The following DGKB variants were observed in gnomAD, a reference collection of about 807,000 sequenced individuals.
DGKB encodes the protein 90 kDa diacylglycerol kinase.
In DGKB, 67 loss-of-function variants were observed where a neutral mutation model predicts 114.3. The observed-to-expected ratio is 0.59, with a 90% CI of 0.48 to 0.72. DGKB has a LOEUF of 0.72. Ranked by LOEUF, DGKB falls within the 30% of genes least tolerant of loss-of-function variation. The probability of loss-of-function intolerance (pLI) is 0.00; values close to 1 mark genes in which losing one functional copy is unlikely to be tolerated. For synonymous variants in DGKB, 398 were observed against 323.1 expected, an observed-to-expected ratio of 1.23 and a Z score of -2.49; for missense variants, 907 against 975.2, an observed-to-expected ratio of 0.93 and a Z score of 0.93.
At chr7:14,379,771 G>A (rs956821360) in intron 21 of DGKB, among the ~76,000 whole-genome samples, 3 of 152,278 alleles carry the variant, frequency 2.0e-5, no homozygotes, top group African/African-American at 7.2e-5. Flanking sequence ...TGTTAGCGAG[G>A]ATGGTCTTGA....
chr7:14,873,652 T>C (rs1852814720), intron 1 of DGKB, among the ~76,000 whole-genome samples: 1 of 151,910 alleles, frequency 6.6e-6, no homozygotes, highest in South Asian at 2.1e-4. Flanking sequence ...ATACTATATA[T>C]ATATACACAT....
intron 2 of DGKB, among the ~76,000 whole-genome samples, chr7:14,783,860 A>G (rs1839475810): frequency 6.6e-6 from 1 of 152,206 alleles, no homozygotes; most frequent in Non-Finnish European, 1.5e-5. Flanking sequence ...TTTTCATAGT[A>G]AGTAATTACT....
At chr7:14,237,670 A>T (rs1051523445) in intron 23 of DGKB, among the ~76,000 whole-genome samples, 35 of 152,150 alleles carry the variant, frequency 2.3e-4, no homozygotes, top group African/African-American at 7.9e-4. Flanking sequence ...GCAACAAAAT[A>T]GTTTATGTAG....
chr7:14,199,635 T>C (rs1306742753), intron 23 of DGKB, among the ~76,000 whole-genome samples: 1 of 152,042 alleles, frequency 6.6e-6, no homozygotes, highest in Non-Finnish European at 1.5e-5. Context: ...TAAGGCATTG[T>C]AGAGCAAAAA....
At chr7:14,448,888 G>C (rs1052931350) in intron 21 of DGKB, among the ~76,000 whole-genome samples, 5 of 151,940 alleles carry the variant, frequency 3.3e-5, no homozygotes, top group African/African-American at 1.2e-4. Context: ...TGCAAATATG[G>C]GTGTGTTCAA....
intron 21 of DGKB, among the ~76,000 whole-genome samples, chr7:14,450,476 G>A (rs1367745448): frequency 6.6e-6 from 1 of 152,062 alleles, no homozygotes. Context: ...AAACTAAGAG[G>A]GCAAAGCCCT....
rs567723052 is a variant in DGKB at position 14,859,415 on chromosome 7, C to T, written c.-187-17965G>A. Among the ~76,000 whole-genome samples the T allele has an allele frequency of 4.6e-5, 7 of 152,078 alleles. No homozygotes were observed. The South Asian group carries it at 6.2e-4, about 14-fold the overall frequency. ...AGATATATTTGTTCAGAGTCAGAAA[C>T]GGACTATATAGGTGAGTCAGAAAGA... On this transcript the variant is annotated intron_variant, in intron 1 of 25. Transcript: ENST00000402815.
chr7:14,260,311 A>G (rs1480275599), intron 23 of DGKB, among the ~76,000 whole-genome samples: 2 of 152,228 alleles, frequency 1.3e-5, no homozygotes, highest in Non-Finnish European at 2.9e-5. Context: ...ACTCCTTATA[A>G]GCAGCATTAT....
chr7:14,591,805 G>A (rs557447763), intron 17 of DGKB, among the ~76,000 whole-genome samples: 2 of 151,914 alleles, frequency 1.3e-5, no homozygotes, highest in African/African-American at 2.4e-5. Context: ...AGATTCAGAG[G>A]CTTACTTTGT....
chr7:14,280,958 A>G (rs1334717056), intron 23 of DGKB, among the ~76,000 whole-genome samples: 1 of 151,822 alleles, frequency 6.6e-6, no homozygotes, highest in Non-Finnish European at 1.5e-5. Context: ...TCAACTAACG[A>G]GCAAAATCAC....
intron 7 of DGKB, among the ~76,000 whole-genome samples, chr7:14,698,667 T>C (rs1458106038): frequency 6.6e-6 from 1 of 152,142 alleles, no homozygotes; most frequent in African/African-American, 2.4e-5. Flanking sequence ...GGGCCAAGGT[T>C]TGCAGGACAA....
At chr7:14,577,386 G>A (rs1799288019) in intron 19 of DGKB, among the ~76,000 whole-genome samples, 2 of 152,170 alleles carry the variant, frequency 1.3e-5, no homozygotes, top group Non-Finnish European at 2.9e-5. Flanking sequence ...GGGAGGTCAA[G>A]GCGGGTGGAT....
intron 23 of DGKB, among the ~76,000 whole-genome samples, chr7:14,279,527 G>A (rs1286237553): frequency 6.6e-6 from 1 of 152,208 alleles, no homozygotes; most frequent in Non-Finnish European, 1.5e-5. Context: ...GTACGCAGCT[G>A]GAGATGAAAT....
At chr7:14,430,287 G>C (rs774268373) in intron 21 of DGKB, among the ~76,000 whole-genome samples, 48 of 152,192 alleles carry the variant, frequency 3.2e-4, no homozygotes, top group Middle Eastern at 3.4e-3. Flanking sequence ...TCTTTGTCTT[G>C]AAAGACTAAC....
At chr7:14,873,002 C>T (rs572306310) in intron 1 of DGKB, among the ~76,000 whole-genome samples, 1 of 152,062 alleles carries the variant, frequency 6.6e-6, no homozygotes, top group South Asian at 2.1e-4. Flanking sequence ...TAATCCCTTG[C>T]CTCCGATGCC....
chr7:14,629,893 C>T (rs1809370360), intron 14 of DGKB, among the ~76,000 whole-genome samples: 1 of 151,952 alleles, frequency 6.6e-6, no homozygotes. Context: ...GGATTTCCAG[C>T]AATGTATCTA....
At chr7:14,631,819 T>C (rs751825431) in intron 13 of DGKB, among the ~76,000 whole-genome samples, 1 of 152,006 alleles carries the variant, frequency 6.6e-6, no homozygotes, top group Non-Finnish European at 1.5e-5. Context: ...GACATGGATA[T>C]AGTCCTTCCA....
intron 4 of DGKB, among the ~76,000 whole-genome samples, chr7:14,747,775 G>GCGCGCGCGCACACACACACACACA: frequency 1.3e-4 from 19 of 149,178 alleles, no homozygotes; most frequent in African/African-American, 4.8e-4. Context: ...ACATCCACGC[G>GCGCGCGCGCACACACACACACACA]CACGCACACA....
intron 25 of DGKB, 36 bp from the exon 26 acceptor site, chr7:14,149,274 A>G: frequency 6.7e-7 from 1 of 1,484,450 alleles, no homozygotes; most frequent in Non-Finnish European, 9.3e-7. Flanking sequence ...GAGAAAGAAT[A>G]GAGTAATCTC....
Sources: gnomAD v4.1 joint callset for allele counts (sites outside exome capture counted in the v4.1 genomes callset) on GRCh38, gnomAD v4.1.1 for gene constraint, MANE v1.5 for transcripts, NCBI Gene and HGNC (gene_info 2026-07-23, HGNC 2026-07-21) for gene names.